The following FRMPD1 variants were observed in gnomAD, a reference collection of about 807,000 sequenced individuals.
The protein encoded by FRMPD1 is FERM and PDZ domain containing 1.
A neutral mutation model predicts 117.8 loss-of-function variants in FRMPD1; 76 were observed. The ratio of observed to expected loss-of-function variants is 0.65; its 90% confidence interval spans 0.54 to 0.78. The LOEUF (loss-of-function observed/expected upper bound fraction) is 0.78, where lower values mean the gene tolerates loss of function less well. FRMPD1 is among the 30% of genes least tolerant of loss of function. The probability of loss-of-function intolerance (pLI) is 0.00; values close to 1 mark genes in which losing one functional copy is unlikely to be tolerated. For missense variants in FRMPD1, 1,786 were observed against 1,964.5 expected (o/e 0.91, Z 1.72); for synonymous variants, 783 against 770.4 (o/e 1.02, Z -0.27).
chr9:37,618,180 T>G, the FRMPD1 span, among the ~76,000 whole-genome samples: 7 of 152,236 alleles, frequency 4.6e-5, no homozygotes, highest in Non-Finnish European at 8.8e-5. Flanking sequence ...ATACTGTGAC[T>G]TGGAATTGAA....
At chr9:37,627,692 T>A in the FRMPD1 span, among the ~76,000 whole-genome samples, 1 of 152,236 alleles carries the variant, frequency 6.6e-6, no homozygotes, top group African/African-American at 2.4e-5. Context: ...CGGGCTATAC[T>A]TTTCATTTTA....
chr9:37,730,920 T>TATAGA, intron 8 of FRMPD1, 64 bp from the exon 9 acceptor site: 1 of 1,567,662 alleles, frequency 6.4e-7, no homozygotes, highest in Non-Finnish European at 8.8e-7. Context: ...AGAGTGGTTT[T>TATAGA]GTGGAATGAC....
At chr9:37,630,070 A>G in the FRMPD1 span, among the ~76,000 whole-genome samples, 1 of 152,106 alleles carries the variant, frequency 6.6e-6, no homozygotes. Flanking sequence ...CACTAAGCCT[A>G]TTTGTGAGGG....
chr9:37,692,529 G>T, intron 1 of FRMPD1, 109 bp from the exon 2 acceptor site: 1 of 763,052 alleles, frequency 1.3e-6, no homozygotes, highest in South Asian at 1.5e-5. Context: ...CTAGTTATTC[G>T]ATTAGCATGT....
At chr9:37,628,916 A>G in the FRMPD1 span, among the ~76,000 whole-genome samples, 6 of 152,192 alleles carry the variant, frequency 3.9e-5, no homozygotes, top group Non-Finnish European at 8.8e-5. Flanking sequence ...CTACTATATC[A>G]GGCCGGGCGC....
At chr9:37,712,793 T>G (rs914270559) in intron 5 of FRMPD1, among the ~76,000 whole-genome samples, 1 of 152,094 alleles carries the variant, frequency 6.6e-6, no homozygotes, top group African/African-American at 2.4e-5. Flanking sequence ...AAGAAAAGAT[T>G]AATAAAACAA....
chr9:37,665,399 T>C (rs1821131412), intron 1 of FRMPD1, among the ~76,000 whole-genome samples: 1 of 152,192 alleles, frequency 6.6e-6, no homozygotes. Flanking sequence ...TGAGCGTCAC[T>C]AGGTGGAAAA....
At chr9:37,660,916 A>G (rs1820983761) in intron 1 of FRMPD1, among the ~76,000 whole-genome samples, 1 of 152,228 alleles carries the variant, frequency 6.6e-6, no homozygotes, top group African/African-American at 2.4e-5. Context: ...CTACTTCCTT[A>G]GCTGCATCTG....
rs539114348 is a variant in FRMPD1, at chr9:37,711,722, T to C, written c.408+327T>C. Among the ~76,000 whole-genome samples, 11 of 152,296 alleles carry C rather than the reference T, an allele frequency of 7.2e-5. No individual in the cohort carries two copies. The East Asian group carries it at 1.7e-3, about 24-fold the overall frequency. ...GAGTGGTATGACTTTGGGAAAATCA[T>C]TTAGTTTCAGTTTTCACTTTTGTAA... On this transcript the variant is annotated intron_variant, in intron 5 of 15. Transcript: ENST00000377765.
chr9:37,620,376 C>A, the FRMPD1 span, among the ~76,000 whole-genome samples: 1 of 152,110 alleles, frequency 6.6e-6, no homozygotes, highest in Non-Finnish European at 1.5e-5. Flanking sequence ...GCTCATTTTC[C>A]TCATCTATAA....
At chr9:37,683,667 G>A (rs1311328038) in intron 1 of FRMPD1, among the ~76,000 whole-genome samples, 2 of 151,944 alleles carry the variant, frequency 1.3e-5, no homozygotes, top group Non-Finnish European at 2.9e-5. Context: ...TTGTGCGAGG[G>A]AGATGAAGTT....
At chr9:37,730,110 T>G (rs923862463) in intron 8 of FRMPD1, among the ~76,000 whole-genome samples, 5 of 152,082 alleles carry the variant, frequency 3.3e-5, no homozygotes, top group African/African-American at 1.2e-4. Context: ...CTTAGAGAGG[T>G]AAGGTGACTT....
the FRMPD1 span, among the ~76,000 whole-genome samples, chr9:37,603,428 A>T: frequency 6.6e-6 from 1 of 152,158 alleles, no homozygotes; most frequent in Non-Finnish European, 1.5e-5. Context: ...AGCCAAAAAA[A>T]CGAGTTAGGT....
At chr9:37,654,222 G>A (rs1248898218) in intron 1 of FRMPD1, among the ~76,000 whole-genome samples, 1 of 152,220 alleles carries the variant, frequency 6.6e-6, no homozygotes, top group Non-Finnish European at 1.5e-5. Context: ...ACTACAGGTT[G>A]TGCCAAAGGC....
At chr9:37,693,429 T>C (rs1301500461) in intron 2 of FRMPD1, among the ~76,000 whole-genome samples, 1 of 152,188 alleles carries the variant, frequency 6.6e-6, no homozygotes, top group East Asian at 1.9e-4. Flanking sequence ...ACACACATTC[T>C]TCCAAAGGAA....
chr9:37,632,411 T>A, the FRMPD1 span, among the ~76,000 whole-genome samples: 144,815 of 152,290 alleles, frequency 0.95, 69,290 homozygotes, highest in East Asian at 1. Flanking sequence ...TACTGTGGTA[T>A]TACCTGAAAA....
chr9:37,642,510 T>C, the FRMPD1 span, among the ~76,000 whole-genome samples: 1 of 152,152 alleles, frequency 6.6e-6, no homozygotes, highest in Non-Finnish European at 1.5e-5. Flanking sequence ...ATTTATAAAG[T>C]GGGGATATTA....
At chr9:37,638,869 G>T in the FRMPD1 span, among the ~76,000 whole-genome samples, 3 of 152,182 alleles carry the variant, frequency 2.0e-5, no homozygotes, top group Admixed American at 2.0e-4. Flanking sequence ...GATCTTCACA[G>T]TTCCAGCTCT....
intron 6 of FRMPD1, 34 bp downstream of exon 6, chr9:37,719,210 G>A (rs372943040): frequency 7.7e-7 from 1 of 1,305,864 alleles, no homozygotes; most frequent in Non-Finnish European, 1.1e-6. Context: ...AAATTATGAA[G>A]CTGGCGAGCT....
Sources: allele counts gnomAD v4.1 joint callset (sites outside exome capture counted in the v4.1 genomes callset), GRCh38; gene constraint gnomAD v4.1.1; transcripts MANE v1.5; gene names NCBI Gene and HGNC (gene_info 2026-07-23, HGNC 2026-07-21).